Variants in SNTG1 observed in about 807,000 individuals in gnomAD.
SNTG1 encodes the protein gamma-1-syntrophin.
In SNTG1, 39 loss-of-function variants were observed where a neutral mutation model predicts 74.7. The observed-to-expected ratio is 0.52, with a 90% CI of 0.40 to 0.68. The LOEUF (loss-of-function observed/expected upper bound fraction) is 0.68, where lower values mean the gene tolerates loss of function less well. SNTG1 is among the 30% of genes least tolerant of loss of function. The pLI is 0.00. For missense variants in SNTG1, 685 were observed against 609.5 expected (o/e 1.12, Z -1.30); for synonymous variants, 254 against 217.1 (o/e 1.17, Z -1.49).
intron 11 of SNTG1, among the ~76,000 whole-genome samples, chr8:50,551,372 A>G (rs2094425402): frequency 6.6e-6 from 1 of 152,202 alleles, no homozygotes; most frequent in Non-Finnish European, 1.5e-5. Flanking sequence ...GCACTATGTA[A>G]CATCTATAAT....
chr8:50,784,118 G>A (rs887851463), intron 18 of SNTG1, among the ~76,000 whole-genome samples: 13 of 152,252 alleles, frequency 8.5e-5, no homozygotes, highest in African/African-American at 2.4e-4. Context: ...GATCCAGTTC[G>A]CCAGTAGGCT....
At chr8:50,210,460 G>A (rs565744225) in intron 2 of SNTG1, among the ~76,000 whole-genome samples, 142 of 152,272 alleles carry the variant, frequency 9.3e-4, no homozygotes, top group African/African-American at 3.3e-3. Context: ...CGGAAAAAAT[G>A]TTAAGGGCAG....
intron 1 of SNTG1, among the ~76,000 whole-genome samples, chr8:50,069,946 CG>C (rs1821219853): frequency 6.6e-6 from 1 of 151,950 alleles, no homozygotes; most frequent in Admixed American, 6.6e-5. Context: ...CTTCTGTGAG[CG>C]CAAGTCAGGC....
chr8:49,991,494 A>G (rs914047147), intron 1 of SNTG1, among the ~76,000 whole-genome samples: 11 of 152,198 alleles, frequency 7.2e-5, no homozygotes, highest in African/African-American at 2.4e-4. Flanking sequence ...CGTGTACAAT[A>G]TTATTCATAA....
intron 15 of SNTG1, among the ~76,000 whole-genome samples, chr8:50,689,631 G>T (rs1170715280): frequency 6.6e-6 from 1 of 152,176 alleles, no homozygotes; most frequent in Admixed American, 6.5e-5. Flanking sequence ...TGTTTGATGT[G>T]CTGCTGGATT....
intron 13 of SNTG1, among the ~76,000 whole-genome samples, chr8:50,626,629 C>T (rs116558314): frequency 0.043 from 6,558 of 152,312 alleles, 243 homozygotes; most frequent in African/African-American, 0.094. Flanking sequence ...TGGCTAGTTA[C>T]CTGCAGCAGG....
intron 9 of SNTG1, among the ~76,000 whole-genome samples, chr8:50,515,387 G>GTTTTTTT (rs34086906): frequency 1.0e-4 from 8 of 80,384 alleles, no homozygotes; most frequent in Admixed American, 1.7e-4. Flanking sequence ...AGCTGCAGGA[G>GTTTTTTT]TTTTTTTTTT....
rs181833227 is a variant in SNTG1 at position 50,179,634 on chromosome 8, C to T, written c.-28+6999C>T. On this transcript the variant is annotated intron_variant, in intron 2 of 18. Transcript: ENST00000642720. ...AAAAAGGGCAAAATATATGAATAGA[C>T]GTTTTTCGAAGAAAGACATACAAAT... Among the ~76,000 whole-genome samples, 221 of 152,168 alleles carry T rather than the reference C, an allele frequency of 1.5e-3. 1 individual carries two copies. Among genetic ancestry groups the T allele is most frequent in the Middle Eastern group, 3.4e-3 (1 of 294 alleles).
chr8:50,478,241 T>G (rs2093712043), intron 8 of SNTG1, among the ~76,000 whole-genome samples: 1 of 152,230 alleles, frequency 6.6e-6, no homozygotes. Context: ...TCAACACAAT[T>G]TGGATTTCAA....
intron 10 of SNTG1, among the ~76,000 whole-genome samples, chr8:50,535,320 G>A (rs779950283): frequency 6.6e-6 from 1 of 152,064 alleles, no homozygotes; most frequent in African/African-American, 2.4e-5. Flanking sequence ...TTAAGACCTC[G>A]CCACCTTGTA....
intron 2 of SNTG1, among the ~76,000 whole-genome samples, chr8:50,197,019 A>G (rs79187765): frequency 0.017 from 2,580 of 152,162 alleles, 69 homozygotes; most frequent in African/African-American, 0.053. Context: ...AGTAGCATAC[A>G]GAGAGAGAAA....
chr8:50,038,785 T>C (rs759742986), intron 1 of SNTG1, among the ~76,000 whole-genome samples: 1 of 152,212 alleles, frequency 6.6e-6, no homozygotes, highest in Non-Finnish European at 1.5e-5. Flanking sequence ...TGATCGCACA[T>C]TTGATGCTCT....
At chr8:50,538,174 G>A (rs1198386118) in intron 11 of SNTG1, among the ~76,000 whole-genome samples, 1 of 151,998 alleles carries the variant, frequency 6.6e-6, no homozygotes, top group Non-Finnish European at 1.5e-5. Context: ...TAGAAATGTT[G>A]CTTCCATTAA....
chr8:50,145,520 G>A (rs1322939447), intron 1 of SNTG1, among the ~76,000 whole-genome samples: 1 of 152,046 alleles, frequency 6.6e-6, no homozygotes, highest in African/African-American at 2.4e-5. Context: ...TGTGAATTTT[G>A]GGCCCTTTTG....
At chr8:50,110,417 C>G (rs1479901879) in intron 1 of SNTG1, among the ~76,000 whole-genome samples, 2 of 152,144 alleles carry the variant, frequency 1.3e-5, no homozygotes, top group Non-Finnish European at 2.9e-5. Context: ...CCATCATCAG[C>G]CTTCCTGGAA....
intron 2 of SNTG1, among the ~76,000 whole-genome samples, chr8:50,355,211 A>G (rs532248355): frequency 6.6e-6 from 1 of 152,016 alleles, no homozygotes; most frequent in Non-Finnish European, 1.5e-5. Context: ...AATTAAGCCA[A>G]GCAGCTATGT....
chr8:50,411,176 C>T (rs1018775318), intron 4 of SNTG1, among the ~76,000 whole-genome samples: 2 of 152,020 alleles, frequency 1.3e-5, no homozygotes, highest in Admixed American at 1.3e-4. Flanking sequence ...AGGCCGGGTG[C>T]GGTGGCTCAC....
At chr8:50,294,464 A>C (rs1443752520) in intron 2 of SNTG1, among the ~76,000 whole-genome samples, 1 of 152,180 alleles carries the variant, frequency 6.6e-6, no homozygotes. Flanking sequence ...CAAGCCCCAA[A>C]ATTTGCAGTT....
intron 2 of SNTG1, among the ~76,000 whole-genome samples, chr8:50,249,487 A>G (rs887545398): frequency 6.6e-6 from 1 of 152,122 alleles, no homozygotes; most frequent in Non-Finnish European, 1.5e-5. Context: ...AGGTAAACCC[A>G]TTTCTCTAGA....
Sources: gnomAD v4.1 joint callset for allele counts (sites outside exome capture counted in the v4.1 genomes callset) on GRCh38, gnomAD v4.1.1 for gene constraint, MANE v1.5 for transcripts, NCBI Gene and HGNC (gene_info 2026-07-23, HGNC 2026-07-21) for gene names.